The following KIAA1217 variants were observed in gnomAD, a reference collection of about 807,000 sequenced individuals.
KIAA1217 encodes the protein sickle tail protein homolog.
KIAA1217 carries 88 observed loss-of-function variants against 163.9 expected under a neutral mutation model. The ratio of observed to expected loss-of-function variants is 0.54; its 90% CI spans 0.45 to 0.64. KIAA1217 has a LOEUF of 0.64. KIAA1217 is among the 30% of genes least tolerant of loss of function. The probability of loss-of-function intolerance (pLI) is 0.00; values close to 1 mark genes in which losing one functional copy is unlikely to be tolerated. For missense variants in KIAA1217, 2,372 were observed against 2,475.0 expected (o/e 0.96, Z 0.88); for synonymous variants, 903 against 923.1 (o/e 0.98, Z 0.39).
At chr10:24,285,674 G>A (rs541822659) in intron 2 of KIAA1217, among the ~76,000 whole-genome samples, 1 of 152,232 alleles carries the variant, frequency 6.6e-6, no homozygotes, top group African/African-American at 2.4e-5. Flanking sequence ...GGTTACTTTA[G>A]CTATTCATGC....
At chr10:24,310,388 A>G (rs1211470047) in intron 2 of KIAA1217, among the ~76,000 whole-genome samples, 1 of 152,210 alleles carries the variant, frequency 6.6e-6, no homozygotes, top group Non-Finnish European at 1.5e-5. Context: ...CCCTGCCAGG[A>G]TAAGATGAAT....
chr10:24,272,004 C>T (rs1421663622), intron 2 of KIAA1217, among the ~76,000 whole-genome samples: 2 of 152,104 alleles, frequency 1.3e-5, no homozygotes, highest in African/African-American at 2.4e-5. Context: ...GACCAAAGCC[C>T]ATGGGATGCT....
At chr10:24,187,155 C>T (rs1437527753) in intron 2 of KIAA1217, among the ~76,000 whole-genome samples, 1 of 152,166 alleles carries the variant, frequency 6.6e-6, no homozygotes, top group African/African-American at 2.4e-5. Flanking sequence ...TGCAGAAAAC[C>T]CTGATTATAG....
In KIAA1217 at chr10:24,238,207, T is replaced by G. The variant is rs1055618076; in HGVS notation, c.354+18298T>G. Among the ~76,000 whole-genome samples, 6 of 152,232 alleles carry G rather than the reference T, an allele frequency of 3.9e-5. No individual in the cohort carries two copies. In the East Asian group the frequency reaches 7.7e-4, roughly 20 times the overall value. On this transcript the variant is annotated intron_variant, in intron 2 of 20. Coordinates refer to ENST00000376454, the MANE Select transcript of KIAA1217 (RefSeq NM_019590.5). ...TTGCTCGCGGCTGCCTCCTCAGAAG[T>G]GCTTCTCAGCTTCCATTCAGCTCCC...
intron 2 of KIAA1217, among the ~76,000 whole-genome samples, chr10:24,173,618 T>C (rs768410422): frequency 3.3e-5 from 5 of 152,172 alleles, no homozygotes; most frequent in African/African-American, 4.8e-5. Flanking sequence ...TTCAATACTC[T>C]ACCTAAAAGA....
At chr10:23,905,743 T>G (rs528828799) in intron 1 of KIAA1217, among the ~76,000 whole-genome samples, 12 of 152,214 alleles carry the variant, frequency 7.9e-5, no homozygotes, top group Non-Finnish European at 1.3e-4. Flanking sequence ...AGTAGTATCA[T>G]TACCACCATC....
chr10:24,053,123 G>A (rs1849636128), intron 2 of KIAA1217, among the ~76,000 whole-genome samples: 1 of 152,154 alleles, frequency 6.6e-6, no homozygotes. Context: ...AGAAAATTCA[G>A]TTGAATTCAG....
intron 6 of KIAA1217, among the ~76,000 whole-genome samples, chr10:24,490,205 G>A (rs1475331761): frequency 6.6e-6 from 1 of 152,134 alleles, no homozygotes. Flanking sequence ...ATGGTTTGTG[G>A]AATGATATAA....
intron 1 of KIAA1217, among the ~76,000 whole-genome samples, chr10:23,745,298 T>C (rs148509339): frequency 1.8e-4 from 27 of 152,346 alleles, no homozygotes; most frequent in African/African-American, 6.5e-4. Flanking sequence ...GGATAAATGT[T>C]TGAGTTCAAT....
At chr10:23,992,227 T>C (rs1054638795) in intron 1 of KIAA1217, among the ~76,000 whole-genome samples, 1 of 152,200 alleles carries the variant, frequency 6.6e-6, no homozygotes, top group Non-Finnish European at 1.5e-5. Flanking sequence ...TTGGCAAATA[T>C]GTATTCAGAA....
rs546367313 is a variant in KIAA1217, at chr10:24,411,526, A to G, written c.554-21469A>G. On this transcript the variant is annotated intron_variant, in intron 3 of 20. Coordinates refer to ENST00000376454, the MANE Select transcript of KIAA1217 (RefSeq NM_019590.5). Reference sequence around the variant, plus strand: ...TAAATGCATTTTGATACTAACTGCTACTTACAGGATATACTTGGTGAATTC... The same window carrying G: ...TAAATGCATTTTGATACTAACTGCTGCTTACAGGATATACTTGGTGAATTC... 3.3e-5 allele frequency among the ~76,000 whole-genome samples: 5 copies of G among 152,316 alleles called. No homozygotes were observed. In the South Asian group the frequency reaches 1.0e-3, roughly 32 times the overall value.
At chr10:24,326,112 G>A (rs949864945) in intron 2 of KIAA1217, among the ~76,000 whole-genome samples, 1 of 152,116 alleles carries the variant, frequency 6.6e-6, no homozygotes, top group Non-Finnish European at 1.5e-5. Flanking sequence ...GCATATTTGG[G>A]AAAGTAAAAG....
rs956072913 is a variant in KIAA1217, at chr10:24,544,486, C to A, written c.5211+5C>A. 2 of 1,593,274 alleles carry A rather than the reference C, an allele frequency of 1.3e-6. No individual in the cohort carries two copies. Among genetic ancestry groups the A allele is most frequent in the Non-Finnish European group, 8.6e-7 (1 of 1,169,160 alleles). ...ATACCTTCAGCTTCACGTAAGGTAT[C>A]TTGGTCTGCTGGAAAATGAAAAGAC... On this transcript the variant is annotated splice_donor_5th_base_variant and intron_variant, in intron 19 of 20. Coordinates refer to ENST00000376454, the MANE Select transcript of KIAA1217 (RefSeq NM_019590.5).
At chr10:24,337,964 C>T (rs1006672302) in intron 2 of KIAA1217, among the ~76,000 whole-genome samples, 2 of 152,202 alleles carry the variant, frequency 1.3e-5, no homozygotes, top group South Asian at 2.1e-4. Flanking sequence ...TTATGTTTGC[C>T]TTTCTCCTAG....
At chr10:24,314,424 T>C (rs2043096093) in intron 2 of KIAA1217, among the ~76,000 whole-genome samples, 3 of 152,322 alleles carry the variant, frequency 2.0e-5, no homozygotes, top group East Asian at 3.9e-4. Context: ...GGTAGCACTT[T>C]AGCAGTTTCC....
At chr10:23,951,265 G>T (rs899836125) in intron 1 of KIAA1217, among the ~76,000 whole-genome samples, 1 of 152,092 alleles carries the variant, frequency 6.6e-6, no homozygotes, top group Admixed American at 6.5e-5. Context: ...AAGGCTGAAG[G>T]CTAGGAGGAA....
intron 2 of KIAA1217, chr10:24,368,831 C>T (rs1889873): frequency 0.41 from 402,822 of 977,144 alleles, 91,790 homozygotes; most frequent in African/African-American, 0.89. Context: ...CTGAGAGTAA[C>T]ACCAGCTTAC....
intron 2 of KIAA1217, among the ~76,000 whole-genome samples, chr10:24,017,773 C>CT (rs1379388439): frequency 1.3e-5 from 2 of 152,066 alleles, no homozygotes; most frequent in Non-Finnish European, 2.9e-5. Flanking sequence ...TTACCTTTTG[C>CT]TTGTGACCCA....
intron 2 of KIAA1217, among the ~76,000 whole-genome samples, chr10:24,335,786 A>T (rs1293104319): frequency 6.6e-6 from 1 of 151,746 alleles, no homozygotes; most frequent in Non-Finnish European, 1.5e-5. Flanking sequence ...CTGTAAAAAA[A>T]TTTTGTAGAC....
Sources: gnomAD v4.1 joint callset for allele counts (sites outside exome capture counted in the v4.1 genomes callset) on GRCh38, gnomAD v4.1.1 for gene constraint, MANE v1.5 for transcripts, NCBI Gene and HGNC (gene_info 2026-07-23, HGNC 2026-07-21) for gene names.